Variants in CTNNA2 observed in about 807,000 individuals in gnomAD.
The protein encoded by CTNNA2 is catenin alpha 2.
Under a neutral mutation model 101.0 loss-of-function variants are expected in CTNNA2, and 42 were observed. The observed-to-expected ratio is 0.42, with a 90% CI of 0.32 to 0.54. The LOEUF is 0.54. CTNNA2 is among the 20% of genes least tolerant of loss of function. CTNNA2 has a pLI of 0.14. For missense variants in CTNNA2, 871 were observed against 1,223.1 expected (o/e 0.71, Z 4.29); for synonymous variants, 450 against 456.4 (o/e 0.99, Z 0.18).
chr2:80,041,826 A>T (rs997478394), intron 7 of CTNNA2, among the ~76,000 whole-genome samples: 8 of 152,140 alleles, frequency 5.3e-5, no homozygotes, highest in African/African-American at 1.7e-4. Flanking sequence ...GATTTAAGAG[A>T]TTAGCATCAA....
chr2:80,005,907 G>A (rs1419434406), intron 7 of CTNNA2, among the ~76,000 whole-genome samples: 3 of 151,766 alleles, frequency 2.0e-5, no homozygotes, highest in Non-Finnish European at 4.4e-5. Flanking sequence ...TATATTTAAC[G>A]CCATAAACTA....
chr2:80,463,521 G>C (rs1244800388), intron 9 of CTNNA2, among the ~76,000 whole-genome samples: 1 of 152,100 alleles, frequency 6.6e-6, no homozygotes, highest in African/African-American at 2.4e-5. Flanking sequence ...GGAGTTATTA[G>C]GATGGATTTC....
intron 3 of CTNNA2, among the ~76,000 whole-genome samples, chr2:79,765,535 TG>T (rs2105110249): frequency 6.6e-6 from 1 of 152,214 alleles, no homozygotes; most frequent in Non-Finnish European, 1.5e-5. Context: ...TAATGGGAGG[TG>T]GGCAGGTTAA....
chr2:79,837,221 G>C (rs1679442169), intron 3 of CTNNA2, among the ~76,000 whole-genome samples: 1 of 152,168 alleles, frequency 6.6e-6, no homozygotes, highest in African/African-American at 2.4e-5. Context: ...GTCAGTCTGA[G>C]TTCCAAAACT....
At chr2:80,294,810 A>G (rs1201204105) in intron 7 of CTNNA2, among the ~76,000 whole-genome samples, 2 of 152,176 alleles carry the variant, frequency 1.3e-5, no homozygotes, top group Admixed American at 1.3e-4. Flanking sequence ...GCAATAGAGA[A>G]ATAAGATGCA....
intron 7 of CTNNA2, among the ~76,000 whole-genome samples, chr2:80,161,722 G>T (rs1704334360): frequency 6.6e-6 from 1 of 152,118 alleles, no homozygotes; most frequent in Non-Finnish European, 1.5e-5. Flanking sequence ...ATCTAACTGT[G>T]CACTGACATT....
At chr2:79,269,283 A>G (rs768582044) in intron 2 of CTNNA2, among the ~76,000 whole-genome samples, 10 of 152,146 alleles carry the variant, frequency 6.6e-5, no homozygotes, top group Non-Finnish European at 1.3e-4. Flanking sequence ...AAGGAAGGCT[A>G]TATTTGAGAA....
chr2:79,522,115 T>A (rs1386156802), intron 1 of CTNNA2, among the ~76,000 whole-genome samples: 1 of 152,186 alleles, frequency 6.6e-6, no homozygotes, highest in African/African-American at 2.4e-5. Context: ...TTTTCTACTT[T>A]TTTTCCTAAG....
chr2:80,265,490 G>A (rs1672939955), intron 7 of CTNNA2, among the ~76,000 whole-genome samples: 1 of 152,084 alleles, frequency 6.6e-6, no homozygotes, highest in Non-Finnish European at 1.5e-5. Flanking sequence ...GAGACATTTG[G>A]AATTTCCCCA....
Position 79,909,785 on chromosome 2 carries a change from G to A in CTNNA2, c.1044G>A (p.Glu348=). The A allele has an allele frequency of 1.2e-6, 2 of 1,604,844 alleles. No individual in the cohort carries two copies. The highest frequency in any genetic ancestry group is 1.7e-6 in the Non-Finnish European group (2 of 1,173,664). ...VRQALQDLLS[E]YMNNTGRKEK... ...AGGCGCTCCAGGACCTGCTCAGCGA[G>A]TACATGAATAATGTAAGTCTTGGGA... The change falls in exon 7 of 19, where the codon GAG becomes GAA. Residue 348 remains glutamate, a synonymous_variant. Transcript: ENST00000402739.
intron 1 of CTNNA2, among the ~76,000 whole-genome samples, chr2:79,638,012 G>A (rs1680194457): frequency 6.6e-6 from 1 of 152,274 alleles, no homozygotes; most frequent in Admixed American, 6.5e-5. Flanking sequence ...CTCCATGACT[G>A]TCTGATACAC....
At position 79,461,648 on chromosome 2, in the gene CTNNA2, A is replaced by G. The variant is rs533369249; in HGVS notation, c.-134-43406A>G. ...CATATCTGAATGATTTAGCTGGGCC[A>G]TCACGCCTATCTAAGAAGGAGAGCA... is the stretch of plus-strand genomic sequence containing the variant. On this transcript the variant is annotated intron_variant, in intron 4 of 21. Transcript: ENST00000466387. Among the ~76,000 whole-genome samples the G allele has an allele frequency of 3.9e-5, 6 of 152,240 alleles. No individual in the cohort carries two copies. The East Asian group carries it at 9.7e-4, about 25-fold the overall frequency.
intron 7 of CTNNA2, among the ~76,000 whole-genome samples, chr2:80,107,772 A>C (rs924225465): frequency 6.6e-6 from 1 of 152,180 alleles, no homozygotes; most frequent in South Asian, 2.1e-4. Context: ...AGAGCACTGT[A>C]ACACACCCTC....
chr2:80,557,036 T>A (rs538922195), intron 12 of CTNNA2, among the ~76,000 whole-genome samples: 17 of 152,344 alleles, frequency 1.1e-4, no homozygotes, highest in South Asian at 2.1e-4. Context: ...TAGGTATTTG[T>A]TAGCCTGGAA....
intron 7 of CTNNA2, among the ~76,000 whole-genome samples, chr2:80,123,362 C>G (rs987537793): frequency 6.6e-6 from 1 of 151,496 alleles, no homozygotes; most frequent in Non-Finnish European, 1.5e-5. Flanking sequence ...CCAGAATGGG[C>G]TGCAGAAGTG....
intron 7 of CTNNA2, among the ~76,000 whole-genome samples, chr2:80,124,280 A>C (rs369167317): frequency 2.0e-5 from 3 of 152,114 alleles, no homozygotes; most frequent in East Asian, 3.9e-4. Context: ...AGTTATGCAG[A>C]GTATCTAGGC....
At chr2:79,728,896 C>T (rs957426788) in intron 2 of CTNNA2, among the ~76,000 whole-genome samples, 1 of 151,996 alleles carries the variant, frequency 6.6e-6, no homozygotes, top group Non-Finnish European at 1.5e-5. Context: ...AGATATGCGG[C>T]GTTATTTTCT....
rs567131551 is a variant in CTNNA2, at chr2:80,591,457, G to GTTTTTTTTTTTTTTTTTTTTTTTT, written c.2189+1993_2189+1994insTTTTTTTTTTTTTTTTTTTTTTTT. 5.0e-4 allele frequency among the ~76,000 whole-genome samples: 35 copies of GTTTTTTTTTTTTTTTTTTTTTTTT among 70,312 alleles called. 7 individuals are homozygous for GTTTTTTTTTTTTTTTTTTTTTTTT. Among genetic ancestry groups the GTTTTTTTTTTTTTTTTTTTTTTTT allele is most frequent in the Non-Finnish European group, 6.9e-4 (23 of 33,378 alleles). The allele number at this position is 70,312 out of a possible 152,430, so 46.1% of individuals were successfully genotyped here. A position where few individuals can be genotyped will look rare whatever the true frequency, so the allele number is the denominator to read the frequency against. On this transcript the variant is annotated intron_variant, in intron 15 of 18. Coordinates refer to ENST00000402739, the MANE Select transcript of CTNNA2 (RefSeq NM_001282597.3). ...ATTGCTGCCTCCATCTGCACAGCCT[G>GTTTTTTTTTTTTTTTTTTTTTTTT]TTTTTTTTTTTTTTTTTTTTTGCAA...
chr2:79,450,171 T>C (rs551532741), intron 4 of CTNNA2, among the ~76,000 whole-genome samples: 1 of 152,072 alleles, frequency 6.6e-6, no homozygotes, highest in East Asian at 1.9e-4. Context: ...TTTTCCTTTT[T>C]TTTTTACTAT....
Sources: allele counts gnomAD v4.1 joint callset (sites outside exome capture counted in the v4.1 genomes callset), GRCh38; gene constraint gnomAD v4.1.1; transcripts MANE v1.5; gene names NCBI Gene and HGNC (gene_info 2026-07-23, HGNC 2026-07-21).